ATXN7: variants seen among roughly 807,000 people sequenced by gnomAD.
ATXN7 encodes ataxin 7.
A neutral mutation model predicts 70.5 loss-of-function variants in ATXN7; 12 were observed. The observed-to-expected ratio is 0.17, with a 90% CI of 0.11 to 0.28. The LOEUF is 0.28. Among genes scored for constraint, ATXN7 ranks in the 10% least tolerant of loss-of-function variants. The pLI, the probability that ATXN7 is intolerant of heterozygous loss-of-function variation, is 1.00. For synonymous variants in ATXN7, 498 were observed against 448.7 expected (o/e 1.11, Z -1.39); for missense variants, 1,256 against 1,131.7 (o/e 1.11, Z -1.58).
At chr3:63,953,264 T>A (rs1575943493) in intron 5 of ATXN7, among the ~76,000 whole-genome samples, 2 of 152,032 alleles carry the variant, frequency 1.3e-5, no homozygotes, top group Admixed American at 1.3e-4. Flanking sequence ...TCTTAGGAGG[T>A]GACACTGGAG....
intron 2 of ATXN7, among the ~76,000 whole-genome samples, chr3:63,898,820 C>G (rs1181219929): frequency 6.6e-6 from 1 of 152,150 alleles, no homozygotes; most frequent in Non-Finnish European, 1.5e-5. Flanking sequence ...GGAAGTTATC[C>G]AAAAGTGTGC....
rs77203794 is a variant in ATXN7 at position 63,999,640 on chromosome 3, A to G, written c.*173A>G. ...TTTTAACGAGGATTTCCCTGAAGCT[A>G]TGTCTCTAGCAGTGAGTACTCATAA... is the stretch of plus-strand genomic sequence containing the variant. On this transcript the variant is annotated 3_prime_UTR_variant, in exon 13 of 13. Coordinates refer to ENST00000674280, the MANE Select transcript of ATXN7 (RefSeq NM_001377405.1). The G allele has an allele frequency of 0.015, 18,421 of 1,218,302 alleles. 235 individuals are homozygous for G. Among genetic ancestry groups the G allele is most frequent in the South Asian group, 0.047 (3,611 of 77,292 alleles). The allele number at this position is 1,218,302 out of a possible 1,614,324, so 75.5% of individuals were successfully genotyped here.
chr3:63,915,511 A>G (rs1704226950), intron 4 of ATXN7, among the ~76,000 whole-genome samples: 1 of 152,200 alleles, frequency 6.6e-6, no homozygotes, highest in Admixed American at 6.5e-5. Flanking sequence ...TACATTTAAT[A>G]TTATCAAAAC....
chr3:63,942,029 A>G (rs753955944), intron 4 of ATXN7, among the ~76,000 whole-genome samples: 3 of 152,176 alleles, frequency 2.0e-5, no homozygotes, highest in Admixed American at 1.3e-4. Flanking sequence ...ATATCCAACA[A>G]TGGAGCCGAG....
At chr3:63,948,808 T>C (rs2074908232) in intron 4 of ATXN7, among the ~76,000 whole-genome samples, 2 of 152,136 alleles carry the variant, frequency 1.3e-5, no homozygotes. Context: ...GCTGGCCCAC[T>C]CACTAATTGG....
At chr3:63,955,510 C>T (rs1397244535) in intron 5 of ATXN7, among the ~76,000 whole-genome samples, 4 of 152,104 alleles carry the variant, frequency 2.6e-5, no homozygotes, top group African/African-American at 9.7e-5. Context: ...GGCAGGGTTC[C>T]CAGGACCAAC....
intron 4 of ATXN7, among the ~76,000 whole-genome samples, chr3:63,934,655 A>T (rs1318114342): frequency 6.6e-6 from 1 of 152,188 alleles, no homozygotes; most frequent in South Asian, 2.1e-4. Flanking sequence ...GTTGCACAGC[A>T]GCATCAGATT....
intron 1 of ATXN7, among the ~76,000 whole-genome samples, chr3:63,879,776 C>T (rs564016009): frequency 1.3e-5 from 2 of 151,988 alleles, no homozygotes; most frequent in Admixed American, 6.6e-5. Context: ...CTTATTCCAC[C>T]GATCTAGAAA....
chr3:63,898,760 CT>C (rs1374033729), intron 2 of ATXN7, among the ~76,000 whole-genome samples: 1 of 152,180 alleles, frequency 6.6e-6, no homozygotes, highest in African/African-American at 2.4e-5. Context: ...TGCAGGAAGA[CT>C]TTAGTTATAG....
chr3:63,994,632 C>T lies in ATXN7; in HGVS notation c.1683-873C>T, dbSNP rs142495295. Reference sequence around the variant, plus strand: ...AAGCATCTGGAAATCACCTGGGCAGCAGTCTAGGCCAGCTCTCTCACTGGG... The same window carrying T: ...AAGCATCTGGAAATCACCTGGGCAGTAGTCTAGGCCAGCTCTCTCACTGGG... On this transcript the variant is annotated intron_variant, in intron 11 of 12. Transcript: ENST00000674280. 5.5e-3 allele frequency among the ~76,000 whole-genome samples: 834 copies of T among 152,304 alleles called. 7 individuals are homozygous for T. The highest frequency in any genetic ancestry group is 0.019 in the African/African-American group (771 of 41,562).
At chr3:63,893,371 T>A (rs1259650501) in intron 1 of ATXN7, among the ~76,000 whole-genome samples, 1 of 152,328 alleles carries the variant, frequency 6.6e-6, no homozygotes, top group Middle Eastern at 3.4e-3. Context: ...AAAAATGCCT[T>A]GCTGACCTTT....
upstream of ATXN7, chr3:63,863,797 CGCGGCG>C (rs546741642): frequency 8.6e-5 from 107 of 1,245,572 alleles, no homozygotes; most frequent in East Asian, 3.2e-4. Flanking sequence ...CCATGGCGTG[CGCGGCG>C]GCGGCGGCGG....
chr3:63,980,520 G>A, intron 6 of ATXN7: 1 of 222,882 alleles, frequency 4.5e-6, no homozygotes, highest in Admixed American at 5.1e-5. Context: ...GTGAGGTGGG[G>A]GAGTTTTGTC....
At chr3:63,990,508 G>C (rs1006182049) in intron 10 of ATXN7, 134 bp downstream of exon 10, 3 of 1,253,026 alleles carry the variant, frequency 2.4e-6, no homozygotes, top group South Asian at 1.4e-5. Context: ...GTTCAAAACA[G>C]GGTGCCCCAG....
intron 1 of ATXN7, chr3:63,878,572 T>G (rs1575838514): frequency 6.6e-6 from 1 of 152,366 alleles, no homozygotes; most frequent in East Asian, 1.9e-4. Context: ...CTTTCTTAGA[T>G]CTGGCAGGAA....
At chr3:63,955,547 C>T (rs2075025419) in intron 5 of ATXN7, among the ~76,000 whole-genome samples, 2 of 152,060 alleles carry the variant, frequency 1.3e-5, no homozygotes, top group Admixed American at 1.3e-4. Context: ...GCCACAGTGT[C>T]GTCTATCTTT....
At chr3:63,912,208 G>A (rs1390562915) in intron 2 of ATXN7, 1 of 152,314 alleles carries the variant, frequency 6.6e-6, no homozygotes, top group African/African-American at 2.4e-5. Context: ...CCTGGGGTGC[G>A]GCTCGGGCTT....
rs751483443 is a variant in ATXN7, at chr3:64,000,467, C to A, written c.*1000C>A. On this transcript the variant is annotated 3_prime_UTR_variant, in exon 13 of 13. Coordinates refer to ENST00000674280, the MANE Select transcript of ATXN7 (RefSeq NM_001377405.1). ...CCTTTTAAAGTGACATTATTAGATA[C>A]ACTTAAATGTTTCCAAGGCACTCTC... 2 of 152,578 alleles carry A rather than the reference C, an allele frequency of 1.3e-5. No individual in the cohort carries two copies. The highest frequency in any genetic ancestry group is 4.8e-5 in the African/African-American group (2 of 41,428). 9.5% of individuals were successfully genotyped at this position (152,578 alleles called of 1,614,324 possible). A position where few individuals can be genotyped will look rare whatever the true frequency, so the allele number is the denominator to read the frequency against.
upstream of ATXN7, chr3:63,863,840 G>T: frequency 8.2e-7 from 1 of 1,222,112 alleles, no homozygotes. Context: ...TGAGGCGGCG[G>T]TTGGCGGCGG....
Sources: allele counts gnomAD v4.1 joint callset (sites outside exome capture counted in the v4.1 genomes callset), GRCh38; gene constraint gnomAD v4.1.1; transcripts MANE v1.5; gene names NCBI Gene and HGNC (gene_info 2026-07-23, HGNC 2026-07-21).